The following SLC4A1 variants were observed in gnomAD, a reference collection of about 807,000 sequenced individuals.
The protein encoded by SLC4A1 is solute carrier family 4 member 1 (Diego blood group).
Under a neutral mutation model 93.1 loss-of-function variants are expected in SLC4A1, and 29 were observed. The observed-to-expected ratio is 0.31, with a 90% CI of 0.23 to 0.42. The LOEUF (loss-of-function observed/expected upper bound fraction) is 0.42, where lower values mean the gene tolerates loss of function less well. Among genes scored for constraint, SLC4A1 ranks in the 20% least tolerant of loss-of-function variants. The probability of loss-of-function intolerance (pLI) is 1.00; values close to 1 mark genes in which losing one functional copy is unlikely to be tolerated. For synonymous variants in SLC4A1, 469 were observed against 497.2 expected, an observed-to-expected ratio of 0.94 and a Z score of 0.76; for missense variants, 965 against 1,190.1, an observed-to-expected ratio of 0.81 and a Z score of 2.78.
At chr17:44,256,759 C>T (rs1347549607) in intron 13 of SLC4A1, among the ~76,000 whole-genome samples, 1 of 152,244 alleles carries the variant, frequency 6.6e-6, no homozygotes, top group African/African-American at 2.4e-5. Context: ...CCCTCTCATG[C>T]CTCAGCAAGA....
intron 1 of SLC4A1, among the ~76,000 whole-genome samples, chr17:44,267,784 AG>A (rs1198099039): frequency 6.6e-6 from 1 of 152,060 alleles, no homozygotes; most frequent in East Asian, 1.9e-4. Context: ...CCATACCTGG[AG>A]GGGATCAGAT....
intron 15 of SLC4A1, 132 bp downstream of exon 15, chr17:44,255,075 G>A: frequency 2.8e-6 from 2 of 717,276 alleles, no homozygotes; most frequent in South Asian, 3.0e-5. Context: ...TCCCAGAGGA[G>A]GCAGGGATGG....
In SLC4A1 at chr17:44,251,250, G is replaced by A; in HGVS notation, c.2564C>T (p.Ala855Val). 1 of 1,614,234 alleles carries A rather than the reference G, an allele frequency of 6.2e-7. No individual in the cohort carries two copies. The highest frequency in any genetic ancestry group is 8.5e-7 in the Non-Finnish European group (1 of 1,180,044). The change falls in exon 19 of 20, where the codon GCC becomes GTC. Residue 855 changes from alanine to valine, a missense_variant. By Grantham distance (64) the Ala-to-Val change is moderately conservative. This residue lies in a region of SLC4A1 where 770 missense variants were observed against 1,006.6 expected (regional missense o/e 0.76). Coordinates refer to ENST00000262418, the MANE Select transcript of SLC4A1 (RefSeq NM_000342.4). The stretch of plus-strand genomic sequence containing the variant: ...GAGGACGAAGGGCAGGGCCAGGGAG[G>A]CCGGCGTGGACTTCACCACCCACAG... ...AVLWVVKSTP[A>V]SLALPFVLIL...
chr17:44,259,998 G>T (rs2047428653), intron 6 of SLC4A1, 66 bp from the exon 7 acceptor site: 3 of 1,597,124 alleles, frequency 1.9e-6, no homozygotes, highest in Non-Finnish European at 2.6e-6. Context: ...TGGTGGGAGG[G>T]ATCAAGGGCG....
chr17:44,256,555 T>TG (rs1294119212), intron 13 of SLC4A1, among the ~76,000 whole-genome samples: 1 of 152,194 alleles, frequency 6.6e-6, no homozygotes, highest in African/African-American at 2.4e-5. Context: ...CAAGCCAAGG[T>TG]GGCTGGGCAC....
intron 17 of SLC4A1, among the ~76,000 whole-genome samples, chr17:44,252,750 G>C (rs924350052): frequency 3.9e-5 from 6 of 152,218 alleles, no homozygotes; most frequent in African/African-American, 1.4e-4. Context: ...GACATCTGTT[G>C]AACCCTCCAA....
chr17:44,261,960 A>G, intron 3 of SLC4A1: 1 of 1,216,884 alleles, frequency 8.2e-7, no homozygotes, highest in South Asian at 1.6e-5. Context: ...GGCAATTTTC[A>G]GGATCCTCCT....
rs541501285 is a variant in SLC4A1, at chr17:44,260,620, G to A, written c.349+15C>T. The A allele has an allele frequency of 1.2e-6, 2 of 1,613,982 alleles. No individual in the cohort carries two copies. Among genetic ancestry groups the A allele is most frequent in the East Asian group, 2.2e-5 (1 of 44,888 alleles). Reference sequence around the variant, plus strand: ...CCTCATCTGCAGGGGGTCCAGAAGGGCCCAGGAGGCTCACCCTTGGTGAAG... The same window carrying A: ...CCTCATCTGCAGGGGGTCCAGAAGGACCCAGGAGGCTCACCCTTGGTGAAG... On this transcript the variant is annotated intron_variant, in intron 5 of 19. Coordinates refer to ENST00000262418, the MANE Select transcript of SLC4A1 (RefSeq NM_000342.4).
At chr17:44,264,473 A>G (rs1174133184) in intron 1 of SLC4A1, among the ~76,000 whole-genome samples, 2 of 152,142 alleles carry the variant, frequency 1.3e-5, no homozygotes, top group Non-Finnish European at 2.9e-5. Context: ...AACAAAACAA[A>G]ACAAAAAAAC....
rs780297314 is a variant in SLC4A1, at chr17:44,251,427, C to A, written c.2473G>T (p.Val825Phe). ...AGAAAAGGGTCCTGTACCCGCTTGA[C>A]GTAGGGCACATCTGGGTGATACTTG... ...PPKYHPDVPY[V>F]KRVKTWRMHL... is the part of the protein sequence containing the mutation. Residue 825 changes from valine to phenylalanine, a missense_variant, in exon 18 of 20, where the codon GTC becomes TTC. Physicochemically the swap from Val to Phe is conservative, Grantham distance 50 (BLOSUM62 -1). Around this residue, in one of 2 missense-constraint regions of SLC4A1, gnomAD observed 770 missense variants for 1,006.6 expected, o/e 0.76. Coordinates refer to ENST00000262418, the MANE Select transcript of SLC4A1 (RefSeq NM_000342.4). 6.2e-7 allele frequency: 1 copy of A among 1,614,260 alleles called. No individual in the cohort carries two copies. The highest frequency in any genetic ancestry group is 8.5e-7 in the Non-Finnish European group (1 of 1,180,048).
Position 44,259,871 on chromosome 17 carries a change from C to T in SLC4A1, c.547G>A (p.Asp183Asn), listed in dbSNP as rs1261071952. 1.2e-6 allele frequency: 2 copies of T among 1,614,052 alleles called. No individual in the cohort carries two copies. Among genetic ancestry groups the T allele is most frequent in the Admixed American group, 3.3e-5 (2 of 60,016 alleles). Residue 183 changes from aspartate (D) to asparagine (N), a missense_variant, in exon 7 of 20, where the codon GAT (aspartate) becomes AAT (asparagine). Physicochemically the swap from Asp to Asn is conservative, Grantham distance 23 (BLOSUM62 1). Coordinates refer to ENST00000262418, the MANE Select transcript of SLC4A1 (RefSeq NM_000342.4). ...VKPAVLTRSG[D>N]PSQPLLPQHS... ...TGGGGGAGCAGAGGCTGTGAAGGAT[C>T]CCCAGAGCGTGTCAGGACTGCAGGC...
chr17:44,257,643 G>T lies in SLC4A1; in HGVS notation c.1431+16C>A. 6.2e-7 allele frequency: 1 copy of T among 1,613,608 alleles called. No homozygotes were observed. The highest frequency in any genetic ancestry group is 2.2e-5 in the East Asian group (1 of 44,876). ...CGGGGGACATGACAGGGTCAGTGGG[G>T]CAAGGACAGAACTACCGAGAAGAAG... On this transcript the variant is annotated intron_variant, in intron 12 of 19. Coordinates refer to ENST00000262418, the MANE Select transcript of SLC4A1 (RefSeq NM_000342.4).
At chr17:44,253,026 G>A in intron 17 of SLC4A1, 92 bp downstream of exon 17, 2 of 1,339,140 alleles carry the variant, frequency 1.5e-6, no homozygotes, top group Non-Finnish European at 2.1e-6. Context: ...GGAGGCTGGA[G>A]GAGGTGCTGG....
Position 44,261,649 on chromosome 17 carries a change from G to A in SLC4A1, c.107-13C>T, listed in dbSNP as rs5034. The stretch of plus-strand genomic sequence containing the variant: ...TCGGTGTCGTGAGCTGAAAACCAGA[G>A]GTCGGTTAGTATTGACCTGACCGTC... On this transcript the variant is annotated splice_polypyrimidine_tract_variant and intron_variant, in intron 3 of 19. Transcript: ENST00000262418. The A allele has an allele frequency of 2.7e-5, 44 of 1,614,110 alleles. No homozygotes were observed. The African/African-American group carries it at 4.3e-4, about 16-fold the overall frequency.
In SLC4A1 at chr17:44,258,523, G is replaced by A; in HGVS notation, c.977C>T (p.Ala326Val). 6.2e-7 allele frequency: 1 copy of A among 1,614,000 alleles called. No individual in the cohort carries two copies. The highest frequency in any genetic ancestry group is 8.5e-7 in the Non-Finnish European group (1 of 1,179,978). The change falls in exon 10 of 20, where the codon GCC becomes GTC. Residue 326 changes from alanine (A) to valine (V), a missense_variant. Physicochemically the swap from Ala to Val is moderately conservative, Grantham distance 64. Around this residue, in one of 2 missense-constraint regions of SLC4A1, gnomAD observed 770 missense variants for 1,006.6 expected, o/e 0.76. Transcript: ENST00000262418. This position sits in a 1 kb window ranked among gnomAD's most constrained non-coding sequence, Gnocchi z 6.1. ...DCSLVLPPTD[A>V]PSEQALLSLV... ...ACTGAGCAGTGCCTGCTCGGAGGGG[G>A]CATCGGTGGGAGGCAGCACTAGGCT...
Position 44,262,651 on chromosome 17 carries a change from T to A in SLC4A1, c.91A>T (p.Met31Leu), listed in dbSNP as rs990089479. The A allele has an allele frequency of 6.2e-7, 1 of 1,612,710 alleles. No individual in the cohort carries two copies. The highest frequency in any genetic ancestry group is 1.3e-5 in the African/African-American group (1 of 74,904). ...YEDPDIPESQ[M>L]EEPAAHDTEA... ...AGGGGCTCACCTGCCGGCTCCTCCA[T>A]CTGGGACTCGGGGATGTCTGGGTCT... The change falls in exon 3 of 20, where the codon ATG (methionine) becomes TTG (leucine). Residue 31 changes from methionine (M) to leucine (L), a missense_variant. Met to Leu is a conservative substitution (Grantham distance 15). Transcript: ENST00000262418.
intron 1 of SLC4A1, among the ~76,000 whole-genome samples, chr17:44,263,914 C>T (rs57227020): frequency 3.9e-5 from 6 of 151,976 alleles, no homozygotes; most frequent in Non-Finnish European, 7.4e-5. Flanking sequence ...GAATTATAGG[C>T]ATGCCACAGT....
At chr17:44,257,282 G>A (rs1178717088) in intron 13 of SLC4A1, 68 bp downstream of exon 13, 20 of 1,503,310 alleles carry the variant, frequency 1.3e-5, no homozygotes, top group Admixed American at 1.0e-4. Context: ...CTGAGCCCTC[G>A]CACCCGGCCA....
intron 3 of SLC4A1, among the ~76,000 whole-genome samples, chr17:44,262,247 T>C (rs1234396771): frequency 1.3e-5 from 2 of 152,034 alleles, no homozygotes; most frequent in Non-Finnish European, 2.9e-5. Context: ...GGCAGGGTGG[T>C]TCCTGGTGTC....
Sources: allele counts gnomAD v4.1 joint callset (sites outside exome capture counted in the v4.1 genomes callset), GRCh38; gene constraint gnomAD v4.1.1; regional missense constraint gnomAD v4.1.1; non-coding constraint Gnocchi (gnomAD v3.1); transcripts MANE v1.5; gene names NCBI Gene and HGNC (gene_info 2026-07-23, HGNC 2026-07-21).